Variants in BAIAP2L2 observed in about 807,000 individuals in gnomAD.
The protein encoded by BAIAP2L2 is BAR/IMD domain containing adaptor protein 2 like 2.
A neutral mutation model predicts 60.4 loss-of-function variants in BAIAP2L2; 65 were observed. That is an observed-to-expected ratio of 1.08 (90% CI 0.88 to 1.32). The LOEUF (loss-of-function observed/expected upper bound fraction) is 1.32. Among genes scored for constraint, BAIAP2L2 ranks in the 40% most tolerant of loss-of-function variants. BAIAP2L2 has a pLI of 0.00. For missense variants in BAIAP2L2, 836 were observed against 741.2 expected (o/e 1.13, Z -1.48); for synonymous variants, 344 against 301.7 (o/e 1.14, Z -1.45).
intron 7 of BAIAP2L2, chr22:38,093,888 T>C (rs1286884359): frequency 2.2e-6 from 1 of 456,544 alleles, no homozygotes; most frequent in African/African-American, 2.0e-5. Context: ...TGAAGACTCG[T>C]ACATGGATGC....
In BAIAP2L2 at chr22:38,085,802, C is replaced by T. The variant is rs193093370; in HGVS notation, c.1468-70G>A. 91 of 1,405,124 alleles carry T rather than the reference C, an allele frequency of 6.5e-5. 1 individual carries two copies. The Admixed American group carries it at 1.2e-3, about 18-fold the overall frequency. The allele number at this position is 1,405,124 out of a possible 1,614,324, so 87.0% of individuals were successfully genotyped here. The stretch of plus-strand genomic sequence containing the variant: ...AAGCAATCCCTTGCTCCTCCCCTCC[C>T]TCTCCCCATGCCCAAGGGCAGAGGA... On this transcript the variant is annotated intron_variant, in intron 12 of 13. Coordinates refer to ENST00000381669, the MANE Select transcript of BAIAP2L2 (RefSeq NM_025045.6).
intron 7 of BAIAP2L2, among the ~76,000 whole-genome samples, chr22:38,095,680 G>C (rs1485268379): frequency 1.3e-5 from 2 of 152,090 alleles, no homozygotes; most frequent in African/African-American, 2.4e-5. Context: ...TTTGTGGAAA[G>C]CTTTAAATCA....
At chr22:38,107,734 G>A in intron 4 of BAIAP2L2, 118 bp downstream of exon 4, 1 of 940,990 alleles carries the variant, frequency 1.1e-6, no homozygotes, top group Non-Finnish European at 1.7e-6. Flanking sequence ...CCGGGTGCTG[G>A]GAAGGGCAGC....
Position 38,089,178 on chromosome 22 carries a change from G to T in BAIAP2L2, c.819C>A (p.Gly273=), listed in dbSNP as rs2086202657. The change falls in exon 9 of 14, where the codon GGC becomes GGA. Residue 273 remains glycine, a synonymous_variant. Transcript: ENST00000381669. ...TCGCGTCGGGCTCGGTGCCGTAGGA[G>T]CCGGAGCCGTGCCGGCTGCGGGGGG... ...FSSPRSRHGS[G]SYGTEPDARP... 1.4e-5 allele frequency: 19 copies of T among 1,312,648 alleles called. No homozygotes were observed. The highest frequency in any genetic ancestry group is 1.8e-5 in the Non-Finnish European group (19 of 1,034,278). The allele number at this position is 1,312,648 out of a possible 1,614,324, so 81.3% of individuals were successfully genotyped here. A position where few individuals can be genotyped will look rare whatever the true frequency, so the allele number is the denominator to read the frequency against.
At position 38,107,799 on chromosome 22, in the gene BAIAP2L2, C is replaced by G. The variant is rs2086694698; in HGVS notation, c.276+53G>C. The G allele has an allele frequency of 3.7e-5, 58 of 1,550,408 alleles. 2 individuals are homozygous for G. In the South Asian group the frequency reaches 6.1e-4, roughly 16 times the overall value. ...GGTAGGCTGGGCCCTCTCCTTGGAA[C>G]ATAGCCCACTTTCCTCGAGTGACCC... is the stretch of plus-strand genomic sequence containing the variant. On this transcript the variant is annotated intron_variant, in intron 4 of 13. Coordinates refer to ENST00000381669, the MANE Select transcript of BAIAP2L2 (RefSeq NM_025045.6).
intron 7 of BAIAP2L2, among the ~76,000 whole-genome samples, chr22:38,092,958 GGAGTTCAA>G (rs2086341703): frequency 6.6e-6 from 1 of 152,072 alleles, no homozygotes; most frequent in African/African-American, 2.4e-5. Flanking sequence ...CCTGAGGTCA[GGAGTTCAA>G]GACCAGCCTG....
chr22:38,093,814 G>C (rs754018085), intron 7 of BAIAP2L2: 25 of 439,592 alleles, frequency 5.7e-5, no homozygotes, highest in Non-Finnish European at 1.4e-5. Flanking sequence ...TAAACATAGA[G>C]TTACCATATG....
At chr22:38,103,345 T>C (rs554533884) in intron 4 of BAIAP2L2, among the ~76,000 whole-genome samples, 1 of 152,344 alleles carries the variant, frequency 6.6e-6, no homozygotes, top group South Asian at 2.1e-4. Flanking sequence ...CATCTATGCG[T>C]TGCACAGCCA....
At chr22:38,108,205 T>G in intron 3 of BAIAP2L2, 50 bp downstream of exon 3, 1 of 1,535,904 alleles carries the variant, frequency 6.5e-7, no homozygotes, top group South Asian at 1.2e-5. Context: ...AGGGCAAGGG[T>G]GCAAAAGGAG....
chr22:38,091,284 C>T (rs891528563), intron 7 of BAIAP2L2: 2 of 152,230 alleles, frequency 1.3e-5, no homozygotes, highest in African/African-American at 4.8e-5. Context: ...TCTCAAAGTC[C>T]TCAACTCGTG....
At chr22:38,085,793 C>G in intron 12 of BAIAP2L2, 61 bp from the exon 13 acceptor site, 2 of 1,432,016 alleles carry the variant, frequency 1.4e-6, no homozygotes, top group Non-Finnish European at 1.9e-6. Flanking sequence ...TCCCTTGCTC[C>G]TCCCCTCCCT....
Position 38,110,546 on chromosome 22 carries a change from G to T in BAIAP2L2, c.-21C>A. The T allele has an allele frequency of 1.9e-6, 3 of 1,600,782 alleles. No homozygotes were observed. Among genetic ancestry groups the T allele is most frequent in the Non-Finnish European group, 1.7e-6 (2 of 1,172,624 alleles). On this transcript the variant is annotated 5_prime_UTR_variant, in exon 1 of 14. Transcript: ENST00000381669. ...GCCATGGAGGGGCTGTCCCGGGTCT[G>T]AGCAGGAGGCTGGGAGCTGGTGGCG... is the stretch of plus-strand genomic sequence containing the variant.
chr22:38,097,310 C>G, intron 6 of BAIAP2L2, 132 bp from the exon 7 acceptor site: 1 of 982,244 alleles, frequency 1.0e-6, no homozygotes, highest in Non-Finnish European at 1.5e-6. Flanking sequence ...CCCCCATCAC[C>G]CGGCCCATCC....
At chr22:38,103,096 G>A (rs974579681) in intron 4 of BAIAP2L2, among the ~76,000 whole-genome samples, 2 of 151,564 alleles carry the variant, frequency 1.3e-5, no homozygotes, top group African/African-American at 4.9e-5. Context: ...TTTTCTTATA[G>A]TCCCAGCTAC....
intron 1 of BAIAP2L2, among the ~76,000 whole-genome samples, chr22:38,110,039 CAGGGAGAGACAGAG>C (rs2086775475): frequency 9.3e-5 from 1 of 10,712 alleles, no homozygotes; most frequent in Non-Finnish European, 1.7e-4. Flanking sequence ...GAGACAGAGA[CAGGGAGAGACAGAG>C]AGAGAGAGAG....
Position 38,089,544 on chromosome 22 carries a change from AGGCGGCCCGAGGGGTAG to A in BAIAP2L2, c.726_742del (p.Tyr243AspfsTer184). The A allele has an allele frequency of 8.2e-7, 1 of 1,222,264 alleles. No individual in the cohort carries two copies. The highest frequency in any genetic ancestry group is 1.0e-6 in the Non-Finnish European group (1 of 982,488). The allele number at this position is 1,222,264 out of a possible 1,614,324, so 75.7% of individuals were successfully genotyped here. ...CACCATGTCCAGGCAGGTGGGCGTCAGGCGGCCCGAGGGGTAGGGCGGCCCCAGCGCGGGGCCCAGCA... is the reference window on the plus strand; with the variant it reads ...CACCATGTCCAGGCAGGTGGGCGTCAGGCGGCCCCAGCGCGGGGCCCAGCA... On this transcript the variant is annotated frameshift_variant, in exon 8 of 14. Transcript: ENST00000381669. LOFTEE classifies it high-confidence loss of function.
At position 38,106,089 on chromosome 22, in the gene BAIAP2L2, CT is replaced by C. The variant is rs1308063947; in HGVS notation, c.276+1762del. Among the ~76,000 whole-genome samples, 4 of 152,300 alleles carry C rather than the reference CT, an allele frequency of 2.6e-5. No individual in the cohort carries two copies. The East Asian group carries it at 7.7e-4, about 29-fold the overall frequency. On this transcript the variant is annotated intron_variant, in intron 4 of 13. Coordinates refer to ENST00000381669, the MANE Select transcript of BAIAP2L2 (RefSeq NM_025045.6). The stretch of plus-strand genomic sequence containing the variant: ...GAACACAAGGACAGGAACCCACAGG[CT>C]CCATAACTCCGTGCCCACATCCAAG...
intron 4 of BAIAP2L2, among the ~76,000 whole-genome samples, chr22:38,104,496 CTTTTTTT>C (rs35517234): frequency 2.2e-5 from 3 of 137,430 alleles, no homozygotes; most frequent in African/African-American, 8.0e-5. Context: ...ACTCAAATTT[CTTTTTTT>C]TTTTTTTTTT....
intron 7 of BAIAP2L2, among the ~76,000 whole-genome samples, chr22:38,092,136 C>T (rs1331523202): frequency 6.6e-6 from 1 of 152,178 alleles, no homozygotes; most frequent in East Asian, 1.9e-4. Flanking sequence ...CTGCAGTAAA[C>T]GAGAGAAGCT....
Sources: gnomAD v4.1 joint callset for allele counts (sites outside exome capture counted in the v4.1 genomes callset) on GRCh38, gnomAD v4.1.1 for gene constraint, MANE v1.5 for transcripts, NCBI Gene and HGNC (gene_info 2026-07-23, HGNC 2026-07-21) for gene names.